Variants in CNTNAP3B observed in about 807,000 individuals in gnomAD.
The protein encoded by CNTNAP3B is contactin-associated protein-like 3B.
In CNTNAP3B, 25 loss-of-function variants were observed where a neutral mutation model predicts 108.9. That is an observed-to-expected ratio of 0.23 (90% confidence interval 0.17 to 0.32). The LOEUF (loss-of-function observed/expected upper bound fraction) is 0.32. CNTNAP3B is among the 10% of genes least tolerant of loss of function. CNTNAP3B has a pLI of 1.00. For missense variants in CNTNAP3B, 252 were observed against 1,210.4 expected, an observed-to-expected ratio of 0.21 and a Z score of 11.75; for synonymous variants, 103 against 473.4, an observed-to-expected ratio of 0.22 and a Z score of 10.16.
At chr9:41,944,034 G>T (rs1301691656) in intron 13 of CNTNAP3B, among the ~76,000 whole-genome samples, 1 of 151,840 alleles carries the variant, frequency 6.6e-6, no homozygotes, top group Non-Finnish European at 1.5e-5. Flanking sequence ...AGAAAGTGAA[G>T]TGAAATATTT....
chr9:42,124,651 C>T (rs879762744), intron 1 of CNTNAP3B, among the ~76,000 whole-genome samples: 4 of 124,720 alleles, frequency 3.2e-5, no homozygotes, highest in Non-Finnish European at 5.0e-5. Context: ...GGTGCGGAAG[C>T]CCATTACAGA....
At chr9:42,123,713 C>CT (rs1471116677) in intron 1 of CNTNAP3B, among the ~76,000 whole-genome samples, 1 of 138,230 alleles carries the variant, frequency 7.2e-6, no homozygotes, top group Non-Finnish European at 1.5e-5. Context: ...ATTCAATAAA[C>CT]TTTTTTCCAC....
chr9:42,089,638 A>C (rs1321868719), intron 2 of CNTNAP3B, among the ~76,000 whole-genome samples: 1 of 147,996 alleles, frequency 6.8e-6, no homozygotes, highest in East Asian at 2.0e-4. Flanking sequence ...TTGTATTAAA[A>C]ATATTCAGTA....
In CNTNAP3B at chr9:42,021,819, C is replaced by T. The variant is rs1305728257; in HGVS notation, c.391-8294G>A. 5.9e-5 allele frequency among the ~76,000 whole-genome samples: 8 copies of T among 135,954 alleles called. 2 individuals carry two copies. The allele number at this position is 135,954 out of a possible 152,430, so 89.2% of individuals were successfully genotyped here. A position where few individuals can be genotyped will look rare whatever the true frequency, so the allele number is the denominator to read the frequency against. ...TAGGGTCAAAGCTGAGCTCTGAAAC[C>T]GCCTTTGCACAAATTCTAACAGTGA... On this transcript the variant is annotated intron_variant, in intron 3 of 23. Transcript: ENST00000377561.
intron 3 of CNTNAP3B, among the ~76,000 whole-genome samples, chr9:42,051,958 C>A (rs1283360531): frequency 4.6e-5 from 7 of 151,830 alleles, no homozygotes; most frequent in Admixed American, 4.6e-4. Flanking sequence ...TTTTTTCTCT[C>A]TCTTGTAAAA....
At chr9:41,965,057 C>A (rs1255931489) in intron 10 of CNTNAP3B, among the ~76,000 whole-genome samples, 1 of 152,278 alleles carries the variant, frequency 6.6e-6, no homozygotes, top group Admixed American at 6.5e-5. Flanking sequence ...GGAACAGCTT[C>A]AGTCACATAG....
intron 13 of CNTNAP3B, among the ~76,000 whole-genome samples, chr9:41,950,752 T>C (rs1824651977): frequency 1.8e-5 from 2 of 109,866 alleles, no homozygotes; most frequent in African/African-American, 7.9e-5. Flanking sequence ...GAATTCTTTT[T>C]TTTTTTTTTT....
At chr9:42,086,691 C>A (rs1353643617) in intron 2 of CNTNAP3B, among the ~76,000 whole-genome samples, 1 of 108,442 alleles carries the variant, frequency 9.2e-6, no homozygotes, top group Non-Finnish European at 1.8e-5. Flanking sequence ...GTAATCCACC[C>A]ACCTCGCCCT....
At chr9:41,940,740 G>A (rs1381587794) in intron 13 of CNTNAP3B, among the ~76,000 whole-genome samples, 152 of 150,560 alleles carry the variant, frequency 1.0e-3, no homozygotes, top group African/African-American at 3.1e-3. Context: ...GCGTGAACCC[G>A]GGAGGCGGAG....
At chr9:41,962,388 T>C (rs1422148254) in intron 11 of CNTNAP3B, among the ~76,000 whole-genome samples, 24 of 152,350 alleles carry the variant, frequency 1.6e-4, no homozygotes, top group African/African-American at 5.5e-4. Flanking sequence ...CCCTCAGAAG[T>C]TTTTGGAGTT....
intron 2 of CNTNAP3B, among the ~76,000 whole-genome samples, chr9:42,098,537 C>T (rs1404195304): frequency 2.4e-5 from 2 of 82,926 alleles, no homozygotes; most frequent in East Asian, 6.0e-4. Context: ...GAGCAGAGAT[C>T]ATGCCACTGC....
chr9:42,088,442 C>A (rs886625315), intron 2 of CNTNAP3B, among the ~76,000 whole-genome samples: 2 of 139,016 alleles, frequency 1.4e-5, no homozygotes, highest in Non-Finnish European at 3.1e-5. Context: ...TGTTTGAATG[C>A]CACTTCCTGT....
At chr9:41,978,970 G>A (rs1300190482) in intron 9 of CNTNAP3B, among the ~76,000 whole-genome samples, 1 of 142,522 alleles carries the variant, frequency 7.0e-6, no homozygotes, top group Non-Finnish European at 1.5e-5. Context: ...TTTTGAAAAA[G>A]GGATTTATGG....
In CNTNAP3B at chr9:41,944,436, A is replaced by C. The variant is rs1221361943; in HGVS notation, c.2081-6036T>G. The stretch of plus-strand genomic sequence containing the variant: ...AAGGATTGGAAATGCTGTGTTATAA[A>C]GTACCAGCACCATTAATGAAGTGGA... On this transcript the variant is annotated intron_variant, in intron 13 of 23. Transcript: ENST00000377561. Among the ~76,000 whole-genome samples the C allele has an allele frequency of 4.6e-5, 7 of 152,282 alleles. No homozygotes were observed. In the East Asian group the frequency reaches 9.6e-4, roughly 21 times the overall value.
At chr9:41,935,842 G>A (rs1265267409) in intron 14 of CNTNAP3B, among the ~76,000 whole-genome samples, 3 of 152,398 alleles carry the variant, frequency 2.0e-5, no homozygotes, top group East Asian at 3.9e-4. Context: ...AAAGCCCAGG[G>A]CTTCTGTCAC....
intron 11 of CNTNAP3B, among the ~76,000 whole-genome samples, chr9:41,962,804 A>C (rs1246069529): frequency 2.6e-5 from 4 of 152,146 alleles, no homozygotes; most frequent in African/African-American, 9.7e-5. Context: ...AAATACAAAA[A>C]ATTAGCCAGG....
chr9:42,024,677 A>G lies in CNTNAP3B; in HGVS notation c.391-11152T>C, dbSNP rs932886142. Among the ~76,000 whole-genome samples, 9 of 136,704 alleles carry G rather than the reference A, an allele frequency of 6.6e-5. 1 individual carries two copies. The highest frequency in any genetic ancestry group is 1.6e-5 in the Non-Finnish European group (1 of 63,180). 89.7% of individuals were successfully genotyped at this position (136,704 alleles called of 152,430 possible). On this transcript the variant is annotated intron_variant, in intron 3 of 23. Coordinates refer to ENST00000377561, the MANE Select transcript of CNTNAP3B (RefSeq NM_001201380.3). ...CATGGCTCCAGGGTTCACAAAAAAA[A>G]AAAAAAAGAAAAAAAAACATGAAAA... is the stretch of plus-strand genomic sequence containing the variant.
intron 3 of CNTNAP3B, among the ~76,000 whole-genome samples, chr9:42,072,922 A>G: frequency 7.3e-6 from 1 of 136,616 alleles, no homozygotes; most frequent in South Asian, 2.4e-4. Context: ...GTAATCACAT[A>G]TGTTACTATT....
At chr9:42,078,452 T>TTA (rs1285266077) in intron 2 of CNTNAP3B, among the ~76,000 whole-genome samples, 4 of 139,820 alleles carry the variant, frequency 2.9e-5, no homozygotes, top group Admixed American at 1.4e-4. Flanking sequence ...AAAGTTTATA[T>TTA]TATATATATA....
Sources: gnomAD v4.1 joint callset for allele counts (sites outside exome capture counted in the v4.1 genomes callset) on GRCh38, gnomAD v4.1.1 for gene constraint, MANE v1.5 for transcripts, NCBI Gene and HGNC (gene_info 2026-07-23, HGNC 2026-07-21) for gene names.